Variants in LPIN1 observed in about 807,000 individuals in gnomAD.
LPIN1 encodes phosphatidate phosphatase LPIN1.
Under a neutral mutation model 107.5 loss-of-function variants are expected in LPIN1, and 71 were observed. That is an observed-to-expected ratio of 0.66 (90% CI 0.55 to 0.80). The LOEUF (loss-of-function observed/expected upper bound fraction) is 0.80. LPIN1 is among the 30% of genes least tolerant of loss of function. The pLI, the probability that LPIN1 is intolerant of heterozygous loss-of-function variation, is 0.00. For synonymous variants in LPIN1, 445 were observed against 452.6 expected, an observed-to-expected ratio of 0.98 and a Z score of 0.21; for missense variants, 1,043 against 1,160.6, an observed-to-expected ratio of 0.90 and a Z score of 1.47.
At chr2:11,824,159 T>C (rs1682033691) in intron 20 of LPIN1, among the ~76,000 whole-genome samples, 1 of 152,066 alleles carries the variant, frequency 6.6e-6, no homozygotes, top group South Asian at 2.1e-4. Context: ...ATCACGCAGC[T>C]AGTAAATGGC....
chr2:11,748,289 A>G (rs1667267159), intron 1 of LPIN1, among the ~76,000 whole-genome samples: 1 of 152,178 alleles, frequency 6.6e-6, no homozygotes, highest in African/African-American at 2.4e-5. Flanking sequence ...GGGTCAGGAG[A>G]TGAAAAGATA....
intron 1 of LPIN1, among the ~76,000 whole-genome samples, chr2:11,757,656 AAAGGGCATG>A (rs1668879830): frequency 6.6e-6 from 1 of 152,126 alleles, no homozygotes; most frequent in Non-Finnish European, 1.5e-5. Flanking sequence ...CCGGTCCCTT[AAAGGGCATG>A]GTCCCTCCCG....
chr2:11,818,456 A>G (rs1021919850), intron 18 of LPIN1: 14 of 150,616 alleles, frequency 9.3e-5, no homozygotes, highest in South Asian at 2.1e-4. Flanking sequence ...CATTTACACA[A>G]TTACCTTTTC....
Position 11,761,194 on chromosome 2 carries a change from A to G in LPIN1, c.-9-4339A>G, listed in dbSNP as rs1017640144. 5.3e-5 allele frequency among the ~76,000 whole-genome samples: 8 copies of G among 152,346 alleles called. No homozygotes were observed. The East Asian group carries it at 1.5e-3, about 29-fold the overall frequency. Reference sequence around the variant, plus strand: ...TTAGAGTTAGAGGGTTACCTCTCTTACCAAACACACGTTAAAATCTAAGTT... The same window carrying G: ...TTAGAGTTAGAGGGTTACCTCTCTTGCCAAACACACGTTAAAATCTAAGTT... On this transcript the variant is annotated intron_variant, in intron 1 of 20. Coordinates refer to ENST00000674199, the MANE Select transcript of LPIN1 (RefSeq NM_001349206.2).
At chr2:11,812,862 G>A (rs904138591) in intron 17 of LPIN1, among the ~76,000 whole-genome samples, 2 of 152,316 alleles carry the variant, frequency 1.3e-5, no homozygotes, top group Non-Finnish European at 1.5e-5. Flanking sequence ...TCGCAGCAAC[G>A]GAGGCCAGGA....
rs2148638988 is a variant in LPIN1, at chr2:11,773,695, T to C, written c.672T>C (p.Pro224=). ...EENLSLAVIY[P]QSASYPNSDR... ...ACCTCTCCCTGGCTGTGATTTACCC[T>C]CAGTCAGCCTCATACCCTAATTCGG... is the stretch of plus-strand genomic sequence containing the variant. Residue 224 remains proline, a synonymous_variant, in exon 5 of 21, where the codon CCT becomes CCC. Transcript: ENST00000674199. 2 of 1,613,612 alleles carry C rather than the reference T, an allele frequency of 1.2e-6. No homozygotes were observed. The highest frequency in any genetic ancestry group is 1.7e-6 in the Non-Finnish European group (2 of 1,179,592).
At chr2:11,743,951 C>T (rs536194037), upstream of LPIN1, among the ~76,000 whole-genome samples, 100 of 152,344 alleles carry the variant, frequency 6.6e-4, no homozygotes, top group African/African-American at 2.3e-3. The surrounding 1 kb of genome is among the most constrained non-coding windows in gnomAD (Gnocchi z 4.7). Context: ...GGAATGGCCA[C>T]TCCTCAACTT....
At chr2:11,752,463 GCT>G (rs1667961807) in intron 1 of LPIN1, among the ~76,000 whole-genome samples, 1 of 77,874 alleles carries the variant, frequency 1.3e-5, no homozygotes, top group Non-Finnish European at 2.2e-5. Context: ...ACGGAGTCTC[GCT>G]CTGTCGCCCA....
intron 1 of LPIN1, among the ~76,000 whole-genome samples, chr2:11,709,105 C>A (rs1402766652): frequency 6.6e-6 from 1 of 152,180 alleles, no homozygotes; most frequent in African/African-American, 2.4e-5. Flanking sequence ...GTGGTTATCT[C>A]ATCAGATTTG....
chr2:11,746,656 CGCGCG>C lies in LPIN1; in HGVS notation c.-20_-16del. 1 of 985,230 alleles carries C rather than the reference CGCGCG, an allele frequency of 1.0e-6. No homozygotes were observed. The highest frequency in any genetic ancestry group is 1.2e-6 in the Non-Finnish European group (1 of 829,810). The allele number at this position is 985,230 out of a possible 1,614,324, so 61.0% of individuals were successfully genotyped here. On this transcript the variant is annotated 5_prime_UTR_variant, in exon 1 of 21. Coordinates refer to ENST00000674199, the MANE Select transcript of LPIN1 (RefSeq NM_001349206.2). Reference sequence around the variant, plus strand: ...GGTGTTTGCAATACAAAGGCGGCCACGCGCGGCGCCGCTCGGTGAGTAGCCGCCGC... The same window carrying C: ...GGTGTTTGCAATACAAAGGCGGCCACGCGCCGCTCGGTGAGTAGCCGCCGC...
At chr2:11,738,933 T>C (rs969967886) in intron 1 of LPIN1, among the ~76,000 whole-genome samples, 2 of 152,194 alleles carry the variant, frequency 1.3e-5, no homozygotes, top group African/African-American at 2.4e-5. Context: ...CTGGGGATAT[T>C]GTGTGTCTGT....
chr2:11,691,093 T>A (rs913894238), intron 1 of LPIN1, among the ~76,000 whole-genome samples: 9 of 151,238 alleles, frequency 6.0e-5, no homozygotes, highest in African/African-American at 2.2e-4. Flanking sequence ...GGTTTTTTTT[T>A]TTTTTTCTCT....
At chr2:11,806,957 A>G (rs1164729568) in intron 17 of LPIN1, among the ~76,000 whole-genome samples, 1 of 152,082 alleles carries the variant, frequency 6.6e-6, no homozygotes, top group Non-Finnish European at 1.5e-5. Flanking sequence ...TCTTTTTGCT[A>G]CTGGGCAGAA....
intron 5 of LPIN1, among the ~76,000 whole-genome samples, chr2:11,775,100 C>A (rs1272975318): frequency 6.6e-6 from 1 of 152,180 alleles, no homozygotes; most frequent in South Asian, 2.1e-4. Flanking sequence ...TGTTTACATA[C>A]CAAGTCTTTA....
At position 11,788,488 on chromosome 2, in the gene LPIN1, G is replaced by T. The variant is rs1343101798; in HGVS notation, c.1713+32G>T. ...TTTAACATGAGAAAGAAAAGGGGAT[G>T]CTAGAAATGATGGGTAGCTTAATCT... is the stretch of plus-strand genomic sequence containing the variant. On this transcript the variant is annotated intron_variant, in intron 12 of 20. Transcript: ENST00000674199. The T allele has an allele frequency of 2.6e-6, 4 of 1,536,754 alleles. No homozygotes were observed. In the Admixed American group the frequency reaches 6.7e-5, roughly 26 times the overall value.
At chr2:11,712,709 G>T (rs1192953022) in intron 1 of LPIN1, among the ~76,000 whole-genome samples, 1 of 152,198 alleles carries the variant, frequency 6.6e-6, no homozygotes, top group Non-Finnish European at 1.5e-5. Context: ...GGCTTCTGGG[G>T]CTGTTTATTC....
At chr2:11,808,060 G>A (rs767231384) in intron 17 of LPIN1, among the ~76,000 whole-genome samples, 27 of 151,880 alleles carry the variant, frequency 1.8e-4, no homozygotes, top group Non-Finnish European at 2.8e-4. Flanking sequence ...TCTGATTTTC[G>A]CTTCTCCATA....
intron 14 of LPIN1, among the ~76,000 whole-genome samples, chr2:11,797,893 T>G (rs1390323964): frequency 6.6e-6 from 1 of 152,152 alleles, no homozygotes; most frequent in Non-Finnish European, 1.5e-5. Flanking sequence ...ATGATATGCT[T>G]TGGCTCTGTG....
chr2:11,765,000 G>A (rs573904575), intron 1 of LPIN1, among the ~76,000 whole-genome samples: 1 of 152,368 alleles, frequency 6.6e-6, no homozygotes, highest in South Asian at 2.1e-4. Flanking sequence ...TGGGCTTGCT[G>A]TGGGAGTTGG....
Sources: gnomAD v4.1 joint callset for allele counts (sites outside exome capture counted in the v4.1 genomes callset) on GRCh38, gnomAD v4.1.1 for gene constraint, Gnocchi (gnomAD v3.1) non-coding constraint, MANE v1.5 for transcripts, NCBI Gene and HGNC (gene_info 2026-07-23, HGNC 2026-07-21) for gene names.